PIAS1: variants seen among roughly 807,000 people sequenced by gnomAD.
The protein encoded by PIAS1 is protein inhibitor of activated STAT 1.
Under a neutral mutation model 71.3 loss-of-function variants are expected in PIAS1, and 6 were observed. That is an observed-to-expected ratio of 0.08 (90% CI 0.05 to 0.17). The LOEUF (loss-of-function observed/expected upper bound fraction) is 0.17. Ranked by LOEUF, PIAS1 falls within the 10% of genes least tolerant of loss-of-function variation. The probability of loss-of-function intolerance (pLI) is 1.00; values close to 1 mark genes in which losing one functional copy is unlikely to be tolerated. For synonymous variants in PIAS1, 303 were observed against 292.9 expected (o/e 1.03, Z -0.35); for missense variants, 555 against 793.6 (o/e 0.70, Z 3.61).
At chr15:68,106,071 C>T (rs1267116331) in intron 2 of PIAS1, among the ~76,000 whole-genome samples, 2 of 151,942 alleles carry the variant, frequency 1.3e-5, no homozygotes, top group Non-Finnish European at 2.9e-5. Context: ...TTGCTGTATA[C>T]CAAGCTACAG....
At chr15:68,161,685 C>G (rs1371676731) in intron 7 of PIAS1, among the ~76,000 whole-genome samples, 2 of 151,944 alleles carry the variant, frequency 1.3e-5, no homozygotes, top group Admixed American at 6.5e-5. Context: ...ATTCCCAATA[C>G]TTTGGGAGGC....
At chr15:68,181,114 C>A in intron 11 of PIAS1, 98 bp from the exon 12 acceptor site, 1 of 977,240 alleles carries the variant, frequency 1.0e-6, no homozygotes, top group Non-Finnish European at 1.6e-6. Context: ...ATTTCCAGCA[C>A]TAAACCGAGG....
intron 1 of PIAS1, among the ~76,000 whole-genome samples, chr15:68,084,148 C>T (rs2092256920): frequency 6.6e-6 from 1 of 152,106 alleles, no homozygotes; most frequent in Non-Finnish European, 1.5e-5. Flanking sequence ...AAGACAAAAG[C>T]TGTCATCAAT....
chr15:68,090,666 CTG>C (rs1403523045), intron 2 of PIAS1, among the ~76,000 whole-genome samples: 1 of 152,042 alleles, frequency 6.6e-6, no homozygotes, highest in Non-Finnish European at 1.5e-5. Flanking sequence ...ATACCACACT[CTG>C]TAATTACAAA....
At chr15:68,157,335 A>G (rs2092897510) in intron 7 of PIAS1, among the ~76,000 whole-genome samples, 1 of 151,626 alleles carries the variant, frequency 6.6e-6, no homozygotes. Flanking sequence ...TGCTGTCAAG[A>G]CTCTTTTATC....
In PIAS1 at chr15:68,153,665, A is replaced by G. The variant is rs2092865523; in HGVS notation, c.904A>G (p.Ile302Val). Residue 302 changes from isoleucine (I) to valine (V), a missense_variant, in exon 7 of 14, where the codon ATA becomes GTA. By Grantham distance (29) the Ile-to-Val change is conservative (BLOSUM62 3). Coordinates refer to ENST00000249636, the MANE Select transcript of PIAS1 (RefSeq NM_016166.3). ...TCTTCAGAGGTTACGAGCAAAGGGA[A>G]TAAGGAATCCGGATCATTCTAGAGC... ...VLLQRLRAKG[I>V]RNPDHSRALI... The G allele has an allele frequency of 1.3e-6, 2 of 1,576,016 alleles. No individual in the cohort carries two copies. Among genetic ancestry groups the G allele is most frequent in the African/African-American group, 1.3e-5 (1 of 74,130 alleles).
intron 2 of PIAS1, among the ~76,000 whole-genome samples, chr15:68,096,021 A>C (rs979946804): frequency 6.6e-6 from 1 of 152,252 alleles, no homozygotes; most frequent in Non-Finnish European, 1.5e-5. Context: ...GTAGTATTAT[A>C]ATTAAATCAC....
At chr15:68,158,214 C>G (rs1338039162) in intron 7 of PIAS1, among the ~76,000 whole-genome samples, 6 of 152,110 alleles carry the variant, frequency 3.9e-5, no homozygotes, top group Non-Finnish European at 8.8e-5. Flanking sequence ...TGTATTCACT[C>G]TGCTTTTTAA....
chr15:68,173,409 T>G lies in PIAS1; in HGVS notation c.1009-323T>G, dbSNP rs2093003456. ...GGTGAAAGCACTCTCTCCAGAAAAA[T>G]GCACACACGAAATTTTGAATGTAAT... On this transcript the variant is annotated intron_variant, in intron 8 of 13. Coordinates refer to ENST00000249636, the MANE Select transcript of PIAS1 (RefSeq NM_016166.3). The surrounding 1 kb of genome is among the most constrained non-coding windows in gnomAD (Gnocchi z 4.3). 6.6e-6 allele frequency among the ~76,000 whole-genome samples: 1 copy of G among 151,608 alleles called. No homozygotes were observed. The highest frequency in any genetic ancestry group is 2.1e-4 in the South Asian group (1 of 4,816).
At chr15:68,183,594 T>C (rs1177580560) in intron 12 of PIAS1, 36 bp from the exon 13 acceptor site, 2 of 908,536 alleles carry the variant, frequency 2.2e-6, no homozygotes, top group Non-Finnish European at 3.4e-6. Flanking sequence ...TTTTCCTTCT[T>C]TTTTTTTTAA....
chr15:68,103,059 C>G (rs1275469939), intron 2 of PIAS1, among the ~76,000 whole-genome samples: 2 of 152,044 alleles, frequency 1.3e-5, no homozygotes, highest in East Asian at 1.9e-4. Flanking sequence ...TTCTGAGTAG[C>G]TGGGACTATA....
intron 2 of PIAS1, among the ~76,000 whole-genome samples, chr15:68,088,874 T>C (rs369890538): frequency 5.3e-5 from 8 of 152,206 alleles, no homozygotes; most frequent in African/African-American, 1.7e-4. Flanking sequence ...TTGCCGGTAG[T>C]TCATTTGTTT....
At chr15:68,148,924 GGCATCTGCAGGATT>G (rs1293717741) in intron 6 of PIAS1, among the ~76,000 whole-genome samples, 3 of 151,986 alleles carry the variant, frequency 2.0e-5, no homozygotes, top group African/African-American at 7.3e-5. Context: ...GGTAAGTAGG[GGCATCTGCAGGATT>G]GAGTGATGAA....
rs1351545019 is a variant in PIAS1, at chr15:68,174,240, A to G, written c.1169+348A>G. Among the ~76,000 whole-genome samples the G allele has an allele frequency of 1.3e-5, 2 of 152,190 alleles. No individual in the cohort carries two copies. Among genetic ancestry groups the G allele is most frequent in the East Asian group, 3.8e-4 (2 of 5,200 alleles). On this transcript the variant is annotated intron_variant, in intron 9 of 13. Transcript: ENST00000249636. This position sits in a 1 kb window ranked among gnomAD's most constrained non-coding sequence, Gnocchi z 4.0. ...GCAGACCATATTGGAACAAGAATGTATGGGGAAATTTGGGTTAACTCAGGT... is the reference window on the plus strand; with the variant it reads ...GCAGACCATATTGGAACAAGAATGTGTGGGGAAATTTGGGTTAACTCAGGT...
chr15:68,078,961 T>A (rs934754267), intron 1 of PIAS1, among the ~76,000 whole-genome samples: 4 of 152,086 alleles, frequency 2.6e-5, no homozygotes, highest in African/African-American at 9.7e-5. Flanking sequence ...AGTAGAAGAA[T>A]GAGAAGAAAA....
chr15:68,184,119 ATCTTG>A (rs1030147943), intron 13 of PIAS1: 14 of 152,654 alleles, frequency 9.2e-5, no homozygotes, highest in African/African-American at 2.9e-4. Context: ...CTTGATGAAA[ATCTTG>A]TCTTGTTTTG....
intron 12 of PIAS1, among the ~76,000 whole-genome samples, chr15:68,183,295 T>G (rs2093067562): frequency 6.6e-6 from 1 of 152,186 alleles, no homozygotes; most frequent in Admixed American, 6.5e-5. Context: ...AGGAGTAACT[T>G]AGAGCAGATT....
intron 2 of PIAS1, among the ~76,000 whole-genome samples, chr15:68,132,035 T>TAAA (rs35523127): frequency 4.2e-5 from 5 of 118,636 alleles, no homozygotes; most frequent in East Asian, 2.2e-4. Context: ...AAACCTCCTC[T>TAAA]AAAAAAAAAA....
chr15:68,084,654 CTTGT>C (rs1376981624), intron 1 of PIAS1, among the ~76,000 whole-genome samples: 2 of 152,048 alleles, frequency 1.3e-5, no homozygotes, highest in African/African-American at 4.8e-5. Flanking sequence ...TCCTTTCTTA[CTTGT>C]TTATTTGTTC....
Sources: allele counts gnomAD v4.1 joint callset (sites outside exome capture counted in the v4.1 genomes callset), GRCh38; gene constraint gnomAD v4.1.1; non-coding constraint Gnocchi (gnomAD v3.1); transcripts MANE v1.5; gene names NCBI Gene and HGNC (gene_info 2026-07-23, HGNC 2026-07-21).